CNTN3: variants seen among roughly 807,000 people sequenced by gnomAD.
The protein encoded by CNTN3 is contactin-3.
A neutral mutation model predicts 119.1 loss-of-function variants in CNTN3; 60 were observed. The ratio of observed to expected loss-of-function variants is 0.50; its 90% confidence interval spans 0.41 to 0.62. The LOEUF (loss-of-function observed/expected upper bound fraction) is 0.62, where lower values mean the gene tolerates loss of function less well. Ranked by LOEUF, CNTN3 falls within the 20% of genes least tolerant of loss-of-function variation. CNTN3 has a pLI of 0.00. For synonymous variants in CNTN3, 450 were observed against 438.7 expected (o/e 1.03, Z -0.32); for missense variants, 1,101 against 1,242.4 (o/e 0.89, Z 1.71).
intron 3 of CNTN3, among the ~76,000 whole-genome samples, 171 bp from the exon 4 acceptor site, chr3:74,486,802 G>A (rs886233414): frequency 3.9e-5 from 6 of 152,222 alleles, no homozygotes; most frequent in Non-Finnish European, 5.9e-5. Flanking sequence ...TATCAGAAAC[G>A]AAAAGTTAAA....
At chr3:74,561,042 G>A (rs1353577936) in intron 1 of CNTN3, among the ~76,000 whole-genome samples, 1 of 95,892 alleles carries the variant, frequency 1.0e-5, no homozygotes, top group African/African-American at 4.0e-5. Context: ...GGGGGGAGGG[G>A]GGAGGGATAG....
intron 5 of CNTN3, 104 bp downstream of exon 5, chr3:74,424,741 T>C: frequency 4.3e-6 from 4 of 926,832 alleles, no homozygotes; most frequent in South Asian, 1.4e-5. Context: ...GCTCAGGTTA[T>C]CAAGTTTCTC....
intron 5 of CNTN3, among the ~76,000 whole-genome samples, chr3:74,380,332 T>C (rs1467785016): frequency 2.0e-5 from 3 of 152,230 alleles, no homozygotes; most frequent in African/African-American, 7.2e-5. Context: ...ATGTGCATTT[T>C]GGTGTGCAGA....
chr3:74,349,344 A>G (rs1037005441), intron 11 of CNTN3, among the ~76,000 whole-genome samples: 2 of 152,194 alleles, frequency 1.3e-5, no homozygotes, highest in Non-Finnish European at 2.9e-5. Context: ...GTGGTAAAAC[A>G]TAAGAAAGAG....
At chr3:74,328,968 G>A (rs930079611) in intron 13 of CNTN3, among the ~76,000 whole-genome samples, 4 of 152,124 alleles carry the variant, frequency 2.6e-5, no homozygotes, top group East Asian at 1.9e-4. Flanking sequence ...ATAGTCCAAC[G>A]GGGATATGCT....
intron 2 of CNTN3, among the ~76,000 whole-genome samples, chr3:74,520,304 T>C (rs75065986): frequency 0.035 from 5,258 of 151,482 alleles, 129 homozygotes; most frequent in Non-Finnish European, 0.05. Context: ...AATGGTACAA[T>C]AGCTACATCT....
chr3:74,295,378 A>G, intron 18 of CNTN3, 142 bp from the exon 19 acceptor site: 1 of 536,728 alleles, frequency 1.9e-6, no homozygotes. Flanking sequence ...TTGAAAATAG[A>G]GACACTGGTC....
At chr3:74,273,134 A>G (rs1701814437) in intron 20 of CNTN3, among the ~76,000 whole-genome samples, 1 of 152,216 alleles carries the variant, frequency 6.6e-6, no homozygotes, top group South Asian at 2.1e-4. Context: ...CAATTAAGTC[A>G]TATATATAAA....
At chr3:74,464,665 T>A (rs1281523315) in intron 4 of CNTN3, among the ~76,000 whole-genome samples, 1 of 152,130 alleles carries the variant, frequency 6.6e-6, no homozygotes, top group Admixed American at 6.6e-5. Flanking sequence ...TAGTTATGAG[T>A]TTGTGGCATA....
chr3:74,359,420 A>G (rs776391248), intron 11 of CNTN3, among the ~76,000 whole-genome samples: 13 of 152,190 alleles, frequency 8.5e-5, no homozygotes, highest in Non-Finnish European at 1.6e-4. Flanking sequence ...GAGGTATTAC[A>G]TAGCTGATCT....
chr3:74,494,129 T>C (rs1303285000), intron 3 of CNTN3, among the ~76,000 whole-genome samples: 1 of 152,082 alleles, frequency 6.6e-6, no homozygotes, highest in Admixed American at 6.6e-5. Context: ...GCAGCTCCTC[T>C]ATTCTCCTTT....
chr3:74,431,972 T>C (rs1701791246), intron 4 of CNTN3, among the ~76,000 whole-genome samples: 1 of 152,112 alleles, frequency 6.6e-6, no homozygotes. Flanking sequence ...TCAATTAAAA[T>C]GAAAAATACT....
At chr3:74,455,057 T>A (rs1297604013) in intron 4 of CNTN3, among the ~76,000 whole-genome samples, 1 of 152,156 alleles carries the variant, frequency 6.6e-6, no homozygotes, top group Non-Finnish European at 1.5e-5. Flanking sequence ...TTGGCCTGCC[T>A]TGCTAGATTG....
chr3:74,418,793 T>A (rs534110893), intron 5 of CNTN3, among the ~76,000 whole-genome samples: 15 of 151,864 alleles, frequency 9.9e-5, no homozygotes, highest in Admixed American at 2.0e-4. Flanking sequence ...AAATTTTTTT[T>A]ATCTTTTTTT....
intron 4 of CNTN3, among the ~76,000 whole-genome samples, chr3:74,476,963 C>T (rs1702666823): frequency 1.3e-5 from 2 of 151,874 alleles, no homozygotes; most frequent in Admixed American, 6.6e-5. Flanking sequence ...TCAAAATACA[C>T]TCAAAAGGAA....
At chr3:74,516,890 T>C (rs1307518437) in intron 2 of CNTN3, among the ~76,000 whole-genome samples, 2 of 151,958 alleles carry the variant, frequency 1.3e-5, no homozygotes, top group Admixed American at 1.3e-4. Flanking sequence ...TGTTAATATA[T>C]ATCCCTGAGC....
chr3:74,335,781 G>T (rs1013545066), intron 12 of CNTN3, among the ~76,000 whole-genome samples: 2 of 152,020 alleles, frequency 1.3e-5, no homozygotes, highest in African/African-American at 2.4e-5. Context: ...TCCTCAGGAG[G>T]TCTACAAACT....
chr3:74,585,531 T>C (rs538228605), intron 1 of CNTN3, among the ~76,000 whole-genome samples: 7 of 152,254 alleles, frequency 4.6e-5, no homozygotes, highest in African/African-American at 1.7e-4. Context: ...CCATCCTATA[T>C]AGTATAATGA....
intron 1 of CNTN3, among the ~76,000 whole-genome samples, chr3:74,549,859 G>A (rs1346080929): frequency 1.3e-5 from 2 of 152,206 alleles, no homozygotes; most frequent in South Asian, 2.1e-4. Context: ...AAGTTCCAAT[G>A]AGAGAATCAC....
Sources: allele counts gnomAD v4.1 joint callset (sites outside exome capture counted in the v4.1 genomes callset), GRCh38; gene constraint gnomAD v4.1.1; transcripts MANE v1.5; gene names NCBI Gene and HGNC (gene_info 2026-07-23, HGNC 2026-07-21).